The following TC2N variants were observed in gnomAD, a reference collection of about 807,000 sequenced individuals.
TC2N encodes the protein tandem C2 domains, nuclear.
A neutral mutation model predicts 61.9 loss-of-function variants in TC2N; 51 were observed. The observed-to-expected ratio is 0.82, with a 90% CI of 0.66 to 1.04. The LOEUF is 1.04. Ranked by LOEUF, TC2N falls within the 50% of genes least tolerant of loss-of-function variation. The pLI, the probability that TC2N is intolerant of heterozygous loss-of-function variation, is 0.00. For synonymous variants in TC2N, 204 were observed against 192.6 expected, an observed-to-expected ratio of 1.06 and a Z score of -0.49; for missense variants, 556 against 566.7, an observed-to-expected ratio of 0.98 and a Z score of 0.19.
chr14:91,821,264 G>A (rs184850538), intron 1 of TC2N, among the ~76,000 whole-genome samples: 3 of 151,964 alleles, frequency 2.0e-5, no homozygotes, highest in African/African-American at 7.2e-5. Flanking sequence ...ATTAGTATAA[G>A]GACAGATAAA....
At chr14:91,787,019 G>A (rs1885398797) in intron 10 of TC2N, among the ~76,000 whole-genome samples, 1 of 152,046 alleles carries the variant, frequency 6.6e-6, no homozygotes, top group Admixed American at 6.6e-5. Flanking sequence ...CTTTTAGTAG[G>A]GAAAAGGGGC....
chr14:91,820,783 A>T (rs962753634), intron 1 of TC2N, among the ~76,000 whole-genome samples: 1 of 152,030 alleles, frequency 6.6e-6, no homozygotes, highest in African/African-American at 2.4e-5. Flanking sequence ...GAAATATACA[A>T]AAGTTAATTG....
intron 1 of TC2N, among the ~76,000 whole-genome samples, chr14:91,816,117 C>T (rs1407600460): frequency 6.6e-6 from 1 of 151,670 alleles, no homozygotes; most frequent in Non-Finnish European, 1.5e-5. Flanking sequence ...AGATATTTCT[C>T]AGTATATATC....
intron 6 of TC2N, among the ~76,000 whole-genome samples, chr14:91,798,619 A>G (rs1242332013): frequency 2.0e-5 from 3 of 151,884 alleles, no homozygotes; most frequent in Admixed American, 2.0e-4. Context: ...TAAAAACTTA[A>G]CCTAATTGCA....
At chr14:91,790,524 C>T (rs563932843) in intron 9 of TC2N, among the ~76,000 whole-genome samples, 2 of 152,258 alleles carry the variant, frequency 1.3e-5, no homozygotes, top group Non-Finnish European at 2.9e-5. Flanking sequence ...TAGCACCTGG[C>T]ATTCAGAAAA....
rs147695092 is a variant in TC2N, at chr14:91,798,392, A to G, written c.645T>C (p.Ile215=). The G allele has an allele frequency of 6.2e-5, 95 of 1,538,148 alleles. No individual in the cohort carries two copies. In the African/African-American group the frequency reaches 1.2e-3, roughly 19 times the overall value. The change falls in exon 7 of 12, where the codon ATT becomes ATC. Residue 215 remains isoleucine (I), a synonymous_variant. Coordinates refer to ENST00000435962, the MANE Select transcript of TC2N (RefSeq NM_001128596.3). The part of the protein sequence containing the change: ...SQGSNRSLDT[I]TLSGDERDFG... The stretch of plus-strand genomic sequence containing the variant: ...AGTCCCTTTCATCTCCTGATAGAGT[A>G]ATTGTATCTGAATTATAAAAGGACA...
chr14:91,842,394 A>T (rs1888180931), intron 1 of TC2N, among the ~76,000 whole-genome samples: 1 of 152,216 alleles, frequency 6.6e-6, no homozygotes, highest in East Asian at 1.9e-4. Flanking sequence ...TGAGAGGGTG[A>T]CTGGTTGCCC....
At chr14:91,826,353 T>A (rs1887501484) in intron 1 of TC2N, among the ~76,000 whole-genome samples, 1 of 149,944 alleles carries the variant, frequency 6.7e-6, no homozygotes, top group Non-Finnish European at 1.5e-5. Flanking sequence ...AAAATATGTA[T>A]CTCTATTGAT....
chr14:91,865,950 T>A (rs1457922944), intron 1 of TC2N, among the ~76,000 whole-genome samples: 1 of 152,196 alleles, frequency 6.6e-6, no homozygotes, highest in Non-Finnish European at 1.5e-5. Flanking sequence ...AAAAAGTTAT[T>A]AAAGGTGTTA....
intron 11 of TC2N, among the ~76,000 whole-genome samples, chr14:91,784,178 A>G (rs1595216127): frequency 6.6e-6 from 1 of 152,064 alleles, no homozygotes; most frequent in Non-Finnish European, 1.5e-5. Flanking sequence ...AATCACCACA[A>G]ATGTTATCAT....
At chr14:91,849,926 G>T (rs751980135) in intron 1 of TC2N, among the ~76,000 whole-genome samples, 1 of 152,004 alleles carries the variant, frequency 6.6e-6, no homozygotes, top group Non-Finnish European at 1.5e-5. Context: ...GCATGCGACT[G>T]TAATCCCAGC....
chr14:91,850,635 T>C (rs1406356580), intron 1 of TC2N, among the ~76,000 whole-genome samples: 1 of 152,232 alleles, frequency 6.6e-6, no homozygotes, highest in Non-Finnish European at 1.5e-5. Flanking sequence ...ATGCTCCTTA[T>C]GAGAATCTAA....
chr14:91,854,220 C>T (rs1888433635), intron 1 of TC2N, among the ~76,000 whole-genome samples: 1 of 152,064 alleles, frequency 6.6e-6, no homozygotes, highest in South Asian at 2.1e-4. Flanking sequence ...AGGGCAAGTT[C>T]TGTGGCTTAA....
Position 91,781,882 on chromosome 14 carries a change from C to T in TC2N, c.*1218G>A, listed in dbSNP as rs1885148531. 3 of 151,980 alleles carry T rather than the reference C, an allele frequency of 2.0e-5. No individual in the cohort carries two copies. The South Asian group carries it at 6.2e-4, about 32-fold the overall frequency. 9.4% of individuals were successfully genotyped at this position (151,980 alleles called of 1,614,324 possible). A position where few individuals can be genotyped will look rare whatever the true frequency, so the allele number is the denominator to read the frequency against. On this transcript the variant is annotated 3_prime_UTR_variant, in exon 12 of 12. Transcript: ENST00000435962. ...TAGGAGCTGGAATAAAGAAGGCATG[C>T]TTAGGTTATAGCAAGGTATACTCCT... is the stretch of plus-strand genomic sequence containing the variant.
chr14:91,827,333 A>G (rs1213920912), intron 1 of TC2N, among the ~76,000 whole-genome samples: 1 of 152,220 alleles, frequency 6.6e-6, no homozygotes, highest in Non-Finnish European at 1.5e-5. Flanking sequence ...TCACTGAGCT[A>G]AAATCAAGGT....
At chr14:91,849,110 T>G (rs929969703) in intron 1 of TC2N, among the ~76,000 whole-genome samples, 1 of 152,154 alleles carries the variant, frequency 6.6e-6, no homozygotes, top group African/African-American at 2.4e-5. Flanking sequence ...AAAACATTTG[T>G]GTGAATTAAG....
At chr14:91,855,111 G>A (rs1415108475) in intron 1 of TC2N, among the ~76,000 whole-genome samples, 1 of 152,142 alleles carries the variant, frequency 6.6e-6, no homozygotes, top group Admixed American at 6.5e-5. Context: ...GCAGGGGAAA[G>A]GAAGGATGGG....
intron 1 of TC2N, among the ~76,000 whole-genome samples, chr14:91,865,264 A>G (rs1369230975): frequency 2.6e-5 from 4 of 151,964 alleles, no homozygotes; most frequent in African/African-American, 9.7e-5. Context: ...CATTATTAAG[A>G]ACCATTAGTA....
intron 1 of TC2N, among the ~76,000 whole-genome samples, chr14:91,815,765 T>C (rs28394505): frequency 0.066 from 10,009 of 151,662 alleles, 991 homozygotes; most frequent in African/African-American, 0.21. Context: ...CATAAACACA[T>C]AAATAATGAT....
Sources: allele counts gnomAD v4.1 joint callset (sites outside exome capture counted in the v4.1 genomes callset), GRCh38; gene constraint gnomAD v4.1.1; transcripts MANE v1.5; gene names NCBI Gene and HGNC (gene_info 2026-07-23, HGNC 2026-07-21).